Variants in IWS1 observed in about 807,000 individuals in gnomAD.
The protein encoded by IWS1 is protein IWS1 homolog.
A neutral mutation model predicts 86.7 loss-of-function variants in IWS1; 27 were observed. That is an observed-to-expected ratio of 0.31 (90% CI 0.23 to 0.43). The LOEUF (loss-of-function observed/expected upper bound fraction) is 0.43. Ranked by LOEUF, IWS1 falls within the 20% of genes least tolerant of loss-of-function variation. The pLI is 1.00. For missense variants in IWS1, 827 were observed against 1,000.8 expected (o/e 0.83, Z 2.34); for synonymous variants, 313 against 335.1 (o/e 0.93, Z 0.72).
intron 1 of IWS1, 125 bp from the exon 2 acceptor site, chr2:127,523,916 G>A (rs891959397): frequency 1.8e-5 from 12 of 656,852 alleles, no homozygotes; most frequent in South Asian, 9.5e-5. Flanking sequence ...ATTAACTAAA[G>A]TTGCTAATAT....
Position 127,496,114 on chromosome 2 carries a change from G to A in IWS1, c.1600C>T (p.Gln534Ter). ...TTGCCACTCATGCTCTTTTTTCGCT[G>A]CAACATCATCTCAAAATCTGACAGA... Reference protein sequence around the residue: ...DFLSDFEMMLQRKKSMSGKRR... With the variant: ...DFLSDFEMML The change falls in exon 7 of 14, where the codon CAG (glutamine) becomes TAG (stop). Residue 534 changes from glutamine to a stop codon, truncating the protein, a stop_gained. Transcript: ENST00000295321. LOFTEE classifies it high-confidence loss of function. The A allele has an allele frequency of 6.2e-7, 1 of 1,613,556 alleles. No homozygotes were observed. The highest frequency in any genetic ancestry group is 8.5e-7 in the Non-Finnish European group (1 of 1,179,810).
Position 127,481,250 on chromosome 2 carries a change from A to T in IWS1, c.2329-75T>A. On this transcript the variant is annotated intron_variant, in intron 13 of 13. Transcript: ENST00000295321. ...TAGTTATGTCTTTCATCTTCTTATAACTGAGTTAGCAACCAGAAGAGCTTC... is the reference window on the plus strand; with the variant it reads ...TAGTTATGTCTTTCATCTTCTTATATCTGAGTTAGCAACCAGAAGAGCTTC... The T allele has an allele frequency of 1.4e-6, 2 of 1,380,698 alleles. 1 individual carries two copies. The highest frequency in any genetic ancestry group is 1.9e-6 in the Non-Finnish European group (2 of 1,035,500). The allele number at this position is 1,380,698 out of a possible 1,614,324, so 85.5% of individuals were successfully genotyped here.
Position 127,504,728 on chromosome 2 carries a change from CTCT to C in IWS1, c.1172_1174del (p.Lys391del), listed in dbSNP as rs1691018840. 6.2e-7 allele frequency: 1 copy of C among 1,612,212 alleles called. No individual in the cohort carries two copies. Among genetic ancestry groups the C allele is most frequent in the Admixed American group, 1.7e-5 (1 of 59,674 alleles). ...ACTATCAGAAAGCACAGCAGCTTTT[CTCT>C]TCGCTACTTTCTCCTCCTCACCCTC... On this transcript the variant is annotated inframe_deletion, in exon 3 of 14. Coordinates refer to ENST00000295321, the MANE Select transcript of IWS1 (RefSeq NM_017969.3).
In IWS1 at chr2:127,523,749, C is replaced by A; in HGVS notation, c.77G>T (p.Gly26Val). 1.2e-6 allele frequency: 2 copies of A among 1,613,968 alleles called. No homozygotes were observed. The highest frequency in any genetic ancestry group is 1.7e-6 in the Non-Finnish European group (2 of 1,179,990). ...ATTTACATCATCCTCACCGTCTGAC[C>A]CTGAATCCCGTTCATCCTGTACTGG... ...ATPVQDERDSGSDGEDDVNEQ... is the reference protein window; with the variant it reads ...ATPVQDERDSVSDGEDDVNEQ... The change falls in exon 2 of 14, where the codon GGG (glycine) becomes GTG (valine). Residue 26 changes from glycine (G) to valine (V), a missense_variant. Physicochemically the swap from Gly to Val is moderately radical, Grantham distance 109 (BLOSUM62 -3). Coordinates refer to ENST00000295321, the MANE Select transcript of IWS1 (RefSeq NM_017969.3).
chr2:127,526,067 A>C, intron 1 of IWS1, 108 bp downstream of exon 1: 1 of 1,068,850 alleles, frequency 9.4e-7, no homozygotes, highest in Non-Finnish European at 1.4e-6. Flanking sequence ...GGGTCGCGGG[A>C]GGGAAGGTTT....
intron 2 of IWS1, among the ~76,000 whole-genome samples, chr2:127,515,254 G>A (rs1041677042): frequency 6.6e-6 from 1 of 152,214 alleles, no homozygotes; most frequent in African/African-American, 2.4e-5. Context: ...CAATGATGGG[G>A]AGGATGTGTT....
intron 2 of IWS1, among the ~76,000 whole-genome samples, chr2:127,512,759 T>C (rs1412902660): frequency 6.6e-6 from 1 of 152,244 alleles, no homozygotes; most frequent in Non-Finnish European, 1.5e-5. Context: ...CACTATATAG[T>C]AGTCACCTAT....
chr2:127,513,316 G>GA (rs574102603), intron 2 of IWS1, among the ~76,000 whole-genome samples: 55 of 152,252 alleles, frequency 3.6e-4, no homozygotes, highest in African/African-American at 1.3e-3. Flanking sequence ...TGGGGACAGA[G>GA]AAAAAAATGT....
chr2:127,512,191 G>A (rs952221942), intron 2 of IWS1, among the ~76,000 whole-genome samples: 1 of 152,146 alleles, frequency 6.6e-6, no homozygotes, highest in Admixed American at 6.5e-5. Flanking sequence ...GTTAAGATAA[G>A]CATTTCCTTT....
chr2:127,524,533 T>A (rs1226142740), intron 1 of IWS1, among the ~76,000 whole-genome samples: 1 of 151,838 alleles, frequency 6.6e-6, no homozygotes, highest in East Asian at 1.9e-4. Context: ...ATGTATTACA[T>A]ATAATTACTT....
At position 127,520,405 on chromosome 2, in the gene IWS1, G is replaced by A. The variant is rs1573569250; in HGVS notation, c.150+3271C>T. Reference sequence around the variant, plus strand: ...GATGGTCTCGATCTCTTGACCTCATGATCCACCCACCTCGGCCTCCCAAAG... The same window carrying A: ...GATGGTCTCGATCTCTTGACCTCATAATCCACCCACCTCGGCCTCCCAAAG... On this transcript the variant is annotated intron_variant, in intron 2 of 13. Coordinates refer to ENST00000295321, the MANE Select transcript of IWS1 (RefSeq NM_017969.3). 2.6e-5 allele frequency among the ~76,000 whole-genome samples: 4 copies of A among 152,150 alleles called. No homozygotes were observed. The East Asian group carries it at 7.7e-4, about 29-fold the overall frequency.
In IWS1 at chr2:127,517,903, CAT is replaced by C. The variant is rs541716121; in HGVS notation, c.150+5771_150+5772del. ...TTACCACAAAAAGGAATGAAGTACT[CAT>C]GTGTGCTACAACATGGCTACACCCT... On this transcript the variant is annotated intron_variant, in intron 2 of 13. Coordinates refer to ENST00000295321, the MANE Select transcript of IWS1 (RefSeq NM_017969.3). Among the ~76,000 whole-genome samples the C allele has an allele frequency of 6.6e-5, 10 of 152,312 alleles. No individual in the cohort carries two copies. In the South Asian group the frequency reaches 2.1e-3, roughly 32 times the overall value.
At chr2:127,521,317 C>T (rs1259358828) in intron 2 of IWS1, among the ~76,000 whole-genome samples, 2 of 152,040 alleles carry the variant, frequency 1.3e-5, no homozygotes, top group Non-Finnish European at 2.9e-5. Context: ...AATATATAGA[C>T]GTCATATACC....
chr2:127,508,797 C>A (rs1018509024), intron 2 of IWS1, among the ~76,000 whole-genome samples: 1 of 152,144 alleles, frequency 6.6e-6, no homozygotes, highest in Non-Finnish European at 1.5e-5. Flanking sequence ...ACTTAACTGG[C>A]CAAGGCAATA....
In IWS1 at chr2:127,492,040, C is replaced by T. The variant is rs1233699551; in HGVS notation, c.1978G>A (p.Ala660Thr). Residue 660 changes from alanine to threonine, a missense_variant, in exon 10 of 14, where the codon GCA (alanine) becomes ACA (threonine). Ala to Thr is a moderately conservative substitution (Grantham distance 58, BLOSUM62 0). Around this residue, in one of 2 missense-constraint regions of IWS1, gnomAD observed 279 missense variants for 440.6 expected, o/e 0.63. Transcript: ENST00000295321. The part of the protein sequence containing the change: ...ETLKHSGIGR[A>T]VMYLYKHPKE... ...GGGTGTTTATAGAGATACATCACTG[C>T]TCGTCCAATCCCACTATGCTTCAGG... The T allele has an allele frequency of 1.9e-6, 3 of 1,613,980 alleles. No individual in the cohort carries two copies. The highest frequency in any genetic ancestry group is 2.5e-6 in the Non-Finnish European group (3 of 1,179,970).
chr2:127,501,421 CT>C (rs1690802370), intron 5 of IWS1, among the ~76,000 whole-genome samples: 1 of 151,558 alleles, frequency 6.6e-6, no homozygotes, highest in Non-Finnish European at 1.5e-5. Flanking sequence ...GTGTAGATTT[CT>C]TTTTGTTTAT....
rs1690254927 is a variant in IWS1 at position 127,492,049 on chromosome 2, T to C, written c.1969A>G (p.Ile657Val). Residue 657 changes from isoleucine to valine, a missense_variant, in exon 10 of 14, where the codon ATT (isoleucine) becomes GTT (valine). Ile to Val is a conservative substitution (Grantham distance 29). Transcript: ENST00000295321. ...VSQETLKHSG[I>V]GRAVMYLYKH... ...TAGAGATACATCACTGCTCGTCCAATCCCACTATGCTTCAGGGTCTCCTGG... is the reference window on the plus strand; with the variant it reads ...TAGAGATACATCACTGCTCGTCCAACCCCACTATGCTTCAGGGTCTCCTGG... 1 of 1,613,958 alleles carries C rather than the reference T, an allele frequency of 6.2e-7. No individual in the cohort carries two copies. Among genetic ancestry groups the C allele is most frequent in the Non-Finnish European group, 8.5e-7 (1 of 1,179,956 alleles).
At chr2:127,515,101 C>A (rs1251511035) in intron 2 of IWS1, among the ~76,000 whole-genome samples, 1 of 152,230 alleles carries the variant, frequency 6.6e-6, no homozygotes, top group Admixed American at 6.5e-5. Context: ...TTTAATCACT[C>A]ATTTTCTACA....
intron 2 of IWS1, among the ~76,000 whole-genome samples, chr2:127,519,839 T>G (rs545924366): frequency 2.6e-4 from 40 of 152,278 alleles, no homozygotes; most frequent in African/African-American, 9.4e-4. Flanking sequence ...GAGAGAGATA[T>G]GATGACAGAA....
Sources: allele counts gnomAD v4.1 joint callset (sites outside exome capture counted in the v4.1 genomes callset), GRCh38; gene constraint gnomAD v4.1.1; regional missense constraint gnomAD v4.1.1; transcripts MANE v1.5; gene names NCBI Gene and HGNC (gene_info 2026-07-23, HGNC 2026-07-21).